LAMA2: variants seen among roughly 807,000 people sequenced by gnomAD.
LAMA2 encodes laminin subunit alpha 2.
A neutral mutation model predicts 364.8 loss-of-function variants in LAMA2; 269 were observed. The observed-to-expected ratio is 0.74, with a 90% CI of 0.67 to 0.82. The LOEUF (loss-of-function observed/expected upper bound fraction) is 0.82. Among genes scored for constraint, LAMA2 ranks in the 40% least tolerant of loss-of-function variants. The pLI, the probability that LAMA2 is intolerant of heterozygous loss-of-function variation, is 0.00. For missense variants in LAMA2, 3,807 were observed against 3,873.2 expected (o/e 0.98, Z 0.45); for synonymous variants, 1,379 against 1,370.6 (o/e 1.01, Z -0.14).
intron 1 of LAMA2, among the ~76,000 whole-genome samples, chr6:128,898,846 C>T (rs1255844921): frequency 6.6e-6 from 1 of 152,190 alleles, no homozygotes; most frequent in East Asian, 1.9e-4. Flanking sequence ...TATTTACCAG[C>T]AACAGTAAAG....
chr6:129,277,757 G>T (rs1052858793), intron 17 of LAMA2, among the ~76,000 whole-genome samples: 1 of 152,162 alleles, frequency 6.6e-6, no homozygotes, highest in Non-Finnish European at 1.5e-5. Flanking sequence ...ATTCTGAACT[G>T]TAAGGAGCTA....
At chr6:128,921,829 G>T (rs556590068) in intron 1 of LAMA2, among the ~76,000 whole-genome samples, 6 of 150,982 alleles carry the variant, frequency 4.0e-5, no homozygotes, top group African/African-American at 1.2e-4. Context: ...CTAGCATTAG[G>T]TATATCTCCC....
intron 35 of LAMA2, among the ~76,000 whole-genome samples, chr6:129,383,837 C>T (rs1051075026): frequency 6.6e-6 from 1 of 152,130 alleles, no homozygotes. Flanking sequence ...GCCCCATCCG[C>T]ACTCGCCCCC....
At chr6:129,314,591 C>T (rs1212997789) in intron 23 of LAMA2, 64 bp from the exon 24 acceptor site, 10 of 1,512,926 alleles carry the variant, frequency 6.6e-6, no homozygotes, top group Non-Finnish European at 9.1e-6. Context: ...GTTATGCATT[C>T]TCAGGGTGAT....
chr6:129,447,107 G>A, intron 45 of LAMA2, among the ~76,000 whole-genome samples: 1 of 152,186 alleles, frequency 6.6e-6, no homozygotes, highest in South Asian at 2.1e-4. Flanking sequence ...CATGGAAAAA[G>A]CCTCTACTAT....
chr6:129,447,082 G>C (rs1376419824), intron 45 of LAMA2, among the ~76,000 whole-genome samples: 3 of 152,194 alleles, frequency 2.0e-5, no homozygotes, highest in African/African-American at 7.2e-5. Context: ...GAAGTTTTAT[G>C]TAAGATTTAG....
chr6:129,300,985 T>G, intron 22 of LAMA2, 113 bp downstream of exon 22: 1 of 904,074 alleles, frequency 1.1e-6, no homozygotes, highest in Admixed American at 1.8e-5. Flanking sequence ...AATGTAGAAG[T>G]ATTACTATAA....
At chr6:129,443,009 C>T (rs1583761941) in intron 43 of LAMA2, 54 bp from the exon 44 acceptor site, 1 of 1,366,584 alleles carries the variant, frequency 7.3e-7, no homozygotes, top group Non-Finnish European at 1.0e-6. Flanking sequence ...GAAAATACTT[C>T]CTCATGAATT....
intron 4 of LAMA2, among the ~76,000 whole-genome samples, chr6:129,102,177 G>A (rs1248695419): frequency 1.4e-5 from 2 of 145,120 alleles, no homozygotes; most frequent in Non-Finnish European, 3.0e-5. Context: ...CACCCAGGCT[G>A]GAGTGCAGTG....
At chr6:129,230,701 A>G (rs1379519481) in intron 12 of LAMA2, among the ~76,000 whole-genome samples, 1 of 152,158 alleles carries the variant, frequency 6.6e-6, no homozygotes, top group Non-Finnish European at 1.5e-5. Flanking sequence ...AGGTCAGTCA[A>G]CAGGTACTAT....
intron 52 of LAMA2, among the ~76,000 whole-genome samples, chr6:129,473,630 G>T (rs1783923831): frequency 6.6e-6 from 1 of 151,936 alleles, no homozygotes. Context: ...GTAGAAGCCA[G>T]AGTTGAATGT....
intron 40 of LAMA2, among the ~76,000 whole-genome samples, 197 bp downstream of exon 40, chr6:129,404,156 A>G (rs1328463987): frequency 6.6e-6 from 1 of 152,190 alleles, no homozygotes; most frequent in Non-Finnish European, 1.5e-5. Flanking sequence ...GTCACCCACT[A>G]CCACTGTTAG....
At position 129,149,120 on chromosome 6, in the gene LAMA2, AAT is replaced by A. The variant is rs755781342; in HGVS notation, c.1027+27_1027+28del. 2.2e-6 allele frequency: 3 copies of A among 1,344,862 alleles called. No homozygotes were observed. The South Asian group carries it at 3.5e-5, about 16-fold the overall frequency. 83.3% of individuals were successfully genotyped at this position (1,344,862 alleles called of 1,614,324 possible). ...AGGTATGTTCTTTAGAAGCCAACAA[AAT>A]ATGTCATTCTTCCTTTCCAAGAAAA... is the stretch of plus-strand genomic sequence containing the variant. On this transcript the variant is annotated intron_variant, in intron 7 of 64. Transcript: ENST00000421865.
At chr6:129,371,911 G>A (rs1325598104) in intron 34 of LAMA2, among the ~76,000 whole-genome samples, 1 of 152,072 alleles carries the variant, frequency 6.6e-6, no homozygotes, top group African/African-American at 2.4e-5. Context: ...CTGGCCACAA[G>A]AAGTATTTCA....
At position 129,456,416 on chromosome 6, in the gene LAMA2, G is replaced by A. The variant is rs770541414; in HGVS notation, c.6789G>A (p.Thr2263=). The A allele has an allele frequency of 9.9e-6, 16 of 1,613,320 alleles. No individual in the cohort carries two copies. Among genetic ancestry groups the A allele is most frequent in the South Asian group, 2.2e-5 (2 of 91,086 alleles). The change falls in exon 48 of 65, where the codon ACG becomes ACA. Residue 2263 remains threonine, a synonymous_variant. Coordinates refer to ENST00000421865, the MANE Select transcript of LAMA2 (RefSeq NM_000426.4). ...TTGTGCCCAGCACACACCATTCGAC[G>A]TCTCCTCCAGGGTACACGATTCTAG... ...ASIVPSTHHS[T]SPPGYTILDV... is the part of the protein sequence containing the mutation.
At chr6:128,929,663 C>A in intron 1 of LAMA2, 4 of 1,431,786 alleles carry the variant, frequency 2.8e-6, no homozygotes, top group Non-Finnish European at 2.9e-6. Context: ...CTCGGTTTGT[C>A]ACTGAAGCCA....
chr6:129,095,880 G>A lies in LAMA2; in HGVS notation c.397-2293G>A, dbSNP rs542361433. On this transcript the variant is annotated intron_variant, in intron 3 of 64. Coordinates refer to ENST00000421865, the MANE Select transcript of LAMA2 (RefSeq NM_000426.4). ...AGAGGTTGCAGTGAGCCAAGCTTGCGCCATTGCACTCCATCCTGGACAACA... is the reference window on the plus strand; with the variant it reads ...AGAGGTTGCAGTGAGCCAAGCTTGCACCATTGCACTCCATCCTGGACAACA... 9.8e-4 allele frequency among the ~76,000 whole-genome samples: 149 copies of A among 151,654 alleles called. 3 individuals carry two copies. The highest frequency in any genetic ancestry group is 1.5e-3 in the Non-Finnish European group (105 of 67,912).
intron 9 of LAMA2, among the ~76,000 whole-genome samples, chr6:129,167,416 G>T (rs1045043012): frequency 3.3e-5 from 5 of 150,368 alleles, no homozygotes; most frequent in Non-Finnish European, 7.4e-5. Context: ...GTGGTGTTTG[G>T]TTTTTTGTTC....
intron 1 of LAMA2, among the ~76,000 whole-genome samples, chr6:129,045,501 T>G (rs1787419273): frequency 6.6e-6 from 1 of 152,204 alleles, no homozygotes. Context: ...ACATATCATT[T>G]ATCTTCTCTG....
Sources: allele counts gnomAD v4.1 joint callset (sites outside exome capture counted in the v4.1 genomes callset), GRCh38; gene constraint gnomAD v4.1.1; transcripts MANE v1.5; gene names NCBI Gene and HGNC (gene_info 2026-07-23, HGNC 2026-07-21).